Variants in MGAT4C observed in about 807,000 individuals in gnomAD.
MGAT4C encodes alpha-1,3-mannosyl-glycoprotein 4-beta-N-acetylglucosaminyltransferase C.
Under a neutral mutation model 40.1 loss-of-function variants are expected in MGAT4C, and 19 were observed. The ratio of observed to expected loss-of-function variants is 0.47; its 90% CI spans 0.33 to 0.70. MGAT4C has a LOEUF of 0.70. Ranked by LOEUF, MGAT4C falls within the 30% of genes least tolerant of loss-of-function variation. The pLI is 0.02. For missense variants in MGAT4C, 491 were observed against 563.2 expected (o/e 0.87, Z 1.30); for synonymous variants, 181 against 187.1 (o/e 0.97, Z 0.27).
In MGAT4C at chr12:86,513,182, C is replaced by T. The variant is rs916845777; in HGVS notation, c.-228-77917G>A. Among the ~76,000 whole-genome samples the T allele has an allele frequency of 2.7e-4, 41 of 152,070 alleles. 1 individual carries two copies. The highest frequency in any genetic ancestry group is 9.7e-4 in the African/African-American group (40 of 41,422). On this transcript the variant is annotated intron_variant, in intron 2 of 7. Coordinates refer to the MGAT4C transcript ENST00000548651. ...TTAACTACAAAACCAAGAAGTAAAACAGCAACTATTATACTTAAAAATCAT... is the reference window on the plus strand; with the variant it reads ...TTAACTACAAAACCAAGAAGTAAAATAGCAACTATTATACTTAAAAATCAT...
intron 2 of MGAT4C, among the ~76,000 whole-genome samples, chr12:86,044,315 T>C (rs771495170): frequency 6.6e-6 from 1 of 152,086 alleles, no homozygotes; most frequent in Non-Finnish European, 1.5e-5. Flanking sequence ...CCAAAGTGCT[T>C]TGTCTGAGTG....
intron 2 of MGAT4C, among the ~76,000 whole-genome samples, chr12:86,671,327 C>T (rs1338562735): frequency 1.3e-5 from 2 of 151,972 alleles, no homozygotes; most frequent in East Asian, 3.9e-4. Context: ...GCGAGCTGCA[C>T]TTTTTTTTCT....
At chr12:86,319,258 A>G (rs951998196) in intron 4 of MGAT4C, among the ~76,000 whole-genome samples, 1 of 152,162 alleles carries the variant, frequency 6.6e-6, no homozygotes, top group Non-Finnish European at 1.5e-5. Flanking sequence ...CATTACTTTT[A>G]GGATAAAATT....
At chr12:86,067,687 C>A (rs1352155644) in intron 1 of MGAT4C, among the ~76,000 whole-genome samples, 1 of 151,900 alleles carries the variant, frequency 6.6e-6, no homozygotes. Flanking sequence ...GCACATGTAC[C>A]CCAGAACTTA....
At chr12:86,338,403 G>C (rs1021764861) in intron 3 of MGAT4C, among the ~76,000 whole-genome samples, 4 of 152,174 alleles carry the variant, frequency 2.6e-5, no homozygotes, top group African/African-American at 9.6e-5. Context: ...GGGAGGGTCA[G>C]AATCTTCTAG....
rs185586560 is a variant in MGAT4C at position 86,124,346 on chromosome 12, C to T, written c.-56-74623G>A. Among the ~76,000 whole-genome samples the T allele has an allele frequency of 9.2e-5, 14 of 152,172 alleles. 1 individual carries two copies. Among genetic ancestry groups the T allele is most frequent in the East Asian group, 3.9e-4 (2 of 5,182 alleles). ...TTACTTAAAAACATGTCAAGTGTTA[C>T]GCTGAGTGCAGAACAGAACAAGAAA... On this transcript the variant is annotated intron_variant, in intron 1 of 4. Transcript: ENST00000611864.
intron 2 of MGAT4C, among the ~76,000 whole-genome samples, chr12:86,536,908 C>CATATAA (rs1959080306): frequency 6.6e-6 from 1 of 152,168 alleles, no homozygotes; most frequent in Non-Finnish European, 1.5e-5. Context: ...GCTATAAAGA[C>CATATAA]ACATGCACAT....
intron 1 of MGAT4C, among the ~76,000 whole-genome samples, chr12:86,774,323 C>CTTTCTTTTCTTTCT (rs1555227795): frequency 2.1e-5 from 2 of 97,046 alleles, no homozygotes; most frequent in African/African-American, 7.2e-5. Flanking sequence ...TTCTTTCTTT[C>CTTTCTTTTCTTTCT]TTTCTTTCTT....
At chr12:86,796,734 A>C (rs1169500887) in intron 1 of MGAT4C, among the ~76,000 whole-genome samples, 2 of 151,974 alleles carry the variant, frequency 1.3e-5, no homozygotes, top group Non-Finnish European at 2.9e-5. Flanking sequence ...TTAATTACCT[A>C]GATTTAGTCA....
chr12:86,607,984 C>T (rs1962103826), intron 2 of MGAT4C, among the ~76,000 whole-genome samples: 1 of 152,114 alleles, frequency 6.6e-6, no homozygotes, highest in South Asian at 2.1e-4. Context: ...AATCCTTCTC[C>T]CTCAGCCTTC....
chr12:86,578,344 T>C (rs1019499802), intron 2 of MGAT4C, among the ~76,000 whole-genome samples: 3 of 151,830 alleles, frequency 2.0e-5, no homozygotes, highest in African/African-American at 7.2e-5. Context: ...ATAACAATCA[T>C]GTGTCTTTCT....
chr12:86,523,518 A>C (rs1247858303), intron 2 of MGAT4C, among the ~76,000 whole-genome samples: 3 of 152,096 alleles, frequency 2.0e-5, no homozygotes, highest in Non-Finnish European at 4.4e-5. Context: ...CACGTGATGA[A>C]CTTTATATTA....
intron 2 of MGAT4C, among the ~76,000 whole-genome samples, chr12:86,471,146 A>G (rs1434477613): frequency 1.3e-5 from 2 of 152,090 alleles, no homozygotes; most frequent in African/African-American, 4.8e-5. Context: ...GGAAATAACT[A>G]ACACCAGGGG....
intron 1 of MGAT4C, among the ~76,000 whole-genome samples, chr12:86,150,633 G>T (rs1030184840): frequency 1.3e-5 from 2 of 152,132 alleles, no homozygotes; most frequent in African/African-American, 4.8e-5. Context: ...TGCAGTATGT[G>T]GTGGTTTATA....
chr12:86,067,150 C>T (rs796474125), intron 1 of MGAT4C, among the ~76,000 whole-genome samples: 3 of 152,222 alleles, frequency 2.0e-5, no homozygotes, highest in South Asian at 2.1e-4. Context: ...GACAGTGTGC[C>T]GATTCCTCAA....
chr12:86,783,707 A>T (rs1245059626), intron 1 of MGAT4C, among the ~76,000 whole-genome samples: 1 of 152,232 alleles, frequency 6.6e-6, no homozygotes, highest in Non-Finnish European at 1.5e-5. Flanking sequence ...TTCTTTTTTT[A>T]AAAATGATAA....
intron 2 of MGAT4C, among the ~76,000 whole-genome samples, chr12:86,700,065 T>TAGATAGATAGATAGATAGATA (rs1025301785): frequency 7.2e-5 from 2 of 27,708 alleles, no homozygotes; most frequent in Non-Finnish European, 2.4e-4. Context: ...GATAGATAGA[T>TAGATAGATAGATAGATAGATA]AAGATAGATA....
At chr12:86,702,591 A>G (rs931939377) in intron 2 of MGAT4C, among the ~76,000 whole-genome samples, 8 of 152,164 alleles carry the variant, frequency 5.3e-5, no homozygotes, top group African/African-American at 1.9e-4. Context: ...TATAAATGGA[A>G]AACAAAACCT....
At chr12:86,690,662 C>T (rs536899122) in intron 2 of MGAT4C, among the ~76,000 whole-genome samples, 6 of 152,176 alleles carry the variant, frequency 3.9e-5, no homozygotes, top group South Asian at 2.1e-4. Context: ...TGAGATGAGC[C>T]GGGTACCTTA....
Sources: allele counts gnomAD v4.1 joint callset (sites outside exome capture counted in the v4.1 genomes callset), GRCh38; gene constraint gnomAD v4.1.1; transcripts MANE v1.5; gene names NCBI Gene and HGNC (gene_info 2026-07-23, HGNC 2026-07-21).